Variants in STK4 observed in about 807,000 individuals in gnomAD.
STK4 encodes the protein serine/threonine-protein kinase 4.
In STK4, 30 loss-of-function variants were observed where a neutral mutation model predicts 64.9. The ratio of observed to expected loss-of-function variants is 0.46; its 90% CI spans 0.35 to 0.63. STK4 has a LOEUF of 0.63. STK4 is among the 20% of genes least tolerant of loss of function. The pLI is 0.01. For missense variants in STK4, 466 were observed against 598.5 expected (o/e 0.78, Z 2.31); for synonymous variants, 177 against 199.0 (o/e 0.89, Z 0.93).
At position 45,053,128 on chromosome 20, in the gene STK4, C is replaced by A. The variant is rs752677910; in HGVS notation, c.1306-21890C>A. ...GCAGTCTGGAAAAGACATATGTATC[C>A]AAAATTGCCAGGGAAACCTGCTGTG... On this transcript the variant is annotated intron_variant, in intron 10 of 10. Coordinates refer to ENST00000372806, the MANE Select transcript of STK4 (RefSeq NM_006282.5). The A allele has an allele frequency of 3.7e-6, 6 of 1,612,600 alleles. No individual in the cohort carries two copies. In the African/African-American group the frequency reaches 8.0e-5, roughly 22 times the overall value.
chr20:45,029,980 G>A (rs923966242), intron 10 of STK4, among the ~76,000 whole-genome samples: 6 of 152,126 alleles, frequency 3.9e-5, no homozygotes, highest in Admixed American at 1.3e-4. Context: ...TATGGAAAAT[G>A]TATGTTTGTA....
At chr20:45,041,193 T>C (rs1002945079) in intron 10 of STK4, among the ~76,000 whole-genome samples, 3 of 152,218 alleles carry the variant, frequency 2.0e-5, no homozygotes, top group Non-Finnish European at 4.4e-5. Context: ...ATATAAACTA[T>C]ATGGTTCCAA....
chr20:45,060,181 C>G (rs1488192094), intron 10 of STK4, among the ~76,000 whole-genome samples: 1 of 152,008 alleles, frequency 6.6e-6, no homozygotes, highest in Admixed American at 6.5e-5. Context: ...GAATGGGCAG[C>G]CCCCTAAGCA....
intron 5 of STK4, among the ~76,000 whole-genome samples, chr20:44,988,199 C>T (rs6073588): frequency 0.17 from 25,967 of 151,788 alleles, 2,379 homozygotes; most frequent in East Asian, 0.22. Context: ...TGAAAAAATA[C>T]ACCCTCTGAT....
intron 10 of STK4, among the ~76,000 whole-genome samples, chr20:45,055,574 CT>C (rs1978397430): frequency 6.6e-6 from 1 of 151,722 alleles, no homozygotes. Flanking sequence ...TTGATCCTTG[CT>C]ACTGCACATT....
intron 1 of STK4, among the ~76,000 whole-genome samples, chr20:44,968,307 T>A (rs1381021993): frequency 6.6e-6 from 1 of 152,142 alleles, no homozygotes. Flanking sequence ...CTGGCTAATT[T>A]TTTGTAGTTT....
intron 5 of STK4, 87 bp from the exon 6 acceptor site, chr20:44,995,003 T>G (rs748985246): frequency 1.7e-6 from 2 of 1,176,236 alleles, no homozygotes; most frequent in East Asian, 2.8e-5. Flanking sequence ...TTTTTTTTTT[T>G]TTCTTCTTTT....
intron 10 of STK4, among the ~76,000 whole-genome samples, chr20:45,042,205 A>G (rs377576586): frequency 1.6e-5 from 2 of 128,684 alleles, no homozygotes; most frequent in African/African-American, 5.5e-5. Context: ...ACTTAGACAC[A>G]TATTTTTCAC....
At chr20:45,074,975 G>C in intron 10 of STK4, 43 bp from the exon 11 acceptor site, 1 of 1,612,032 alleles carries the variant, frequency 6.2e-7, no homozygotes, top group East Asian at 2.2e-5. Context: ...TTCTGCCACT[G>C]ACTTAAGCTT....
chr20:44,970,282 G>A (rs2067221301), intron 1 of STK4, among the ~76,000 whole-genome samples: 2 of 151,952 alleles, frequency 1.3e-5, no homozygotes, highest in Admixed American at 1.3e-4. Flanking sequence ...TCAGAGGTTT[G>A]CAGCTGTCTA....
chr20:44,986,416 CTTG>C (rs1220959868), intron 4 of STK4, among the ~76,000 whole-genome samples: 3 of 152,130 alleles, frequency 2.0e-5, no homozygotes, highest in Non-Finnish European at 4.4e-5. Context: ...GAAGCAAGCC[CTTG>C]TTGAAACAGA....
At chr20:45,074,993 A>C (rs760615431) in intron 10 of STK4, 25 bp from the exon 11 acceptor site, 1 of 1,613,778 alleles carries the variant, frequency 6.2e-7, no homozygotes, top group East Asian at 2.2e-5. Flanking sequence ...CTTTGTCGTG[A>C]CTATACCTTC....
At position 44,997,333 on chromosome 20, in the gene STK4, C is replaced by G. The variant is rs766132177; in HGVS notation, c.831+27C>G. ...TATGAATCACCCTGTGATGCCATCT[C>G]GCTCCATTTCATTTACTTGCTGACC... is the stretch of plus-strand genomic sequence containing the variant. On this transcript the variant is annotated intron_variant, in intron 7 of 10. Transcript: ENST00000372806. 15 of 1,556,710 alleles carry G rather than the reference C, an allele frequency of 9.6e-6. No homozygotes were observed. In the East Asian group the frequency reaches 3.2e-4, roughly 33 times the overall value.
In STK4 at chr20:44,978,468, A is replaced by G. The variant is rs747776044; in HGVS notation, c.142A>G (p.Ile48Val). Residue 48 changes from isoleucine to valine, a missense_variant, in exon 3 of 11, where the codon ATT (isoleucine) becomes GTT (valine). Transcript: ENST00000372806. The part of the protein sequence containing the change: ...EGSYGSVYKA[I>V]HKETGQIVAI... ...GTCCTATGGCAGCGTATACAAAGCT[A>G]TTCATAAAGAGACCGGCCAGATTGT... The G allele has an allele frequency of 2.5e-6, 4 of 1,614,116 alleles. No homozygotes were observed. The highest frequency in any genetic ancestry group is 1.1e-5 in the South Asian group (1 of 91,078).
intron 10 of STK4, among the ~76,000 whole-genome samples, chr20:45,052,720 G>A (rs572650652): frequency 1.3e-5 from 2 of 152,130 alleles, no homozygotes; most frequent in Non-Finnish European, 2.9e-5. Flanking sequence ...TCAGACTCTT[G>A]CCACCACCTT....
intron 10 of STK4, among the ~76,000 whole-genome samples, chr20:45,063,030 T>C (rs1171708042): frequency 9.5e-6 from 1 of 105,570 alleles, no homozygotes; most frequent in Non-Finnish European, 1.8e-5. Context: ...GGACACAGGG[T>C]CTTGCCTGTG....
At chr20:45,071,602 T>G (rs2043407261) in intron 10 of STK4, among the ~76,000 whole-genome samples, 1 of 152,122 alleles carries the variant, frequency 6.6e-6, no homozygotes, top group African/African-American at 2.4e-5. Flanking sequence ...GCAACAAAAC[T>G]GCCTAGAAAT....
rs144655437 is a variant in STK4, at chr20:44,970,999, T to C, written c.36-1079T>C. 8.2e-3 allele frequency among the ~76,000 whole-genome samples: 1,230 copies of C among 150,574 alleles called. 18 individuals carry two copies. The highest frequency in any genetic ancestry group is 0.029 in the African/African-American group (1,178 of 40,980). On this transcript the variant is annotated intron_variant, in intron 1 of 10. Transcript: ENST00000372806. The stretch of plus-strand genomic sequence containing the variant: ...TTTTTTTCTACAAAGAGGTCTCCAG[T>C]GTGACTACTTCCATATTTCACCGTT...
At chr20:45,037,703 T>A (rs2068549430) in intron 10 of STK4, among the ~76,000 whole-genome samples, 3 of 152,142 alleles carry the variant, frequency 2.0e-5, no homozygotes. Context: ...ATCTTAACCA[T>A]TCTCTCCTAG....
Sources: allele counts gnomAD v4.1 joint callset (sites outside exome capture counted in the v4.1 genomes callset), GRCh38; gene constraint gnomAD v4.1.1; transcripts MANE v1.5; gene names NCBI Gene and HGNC (gene_info 2026-07-23, HGNC 2026-07-21).